The following NKAIN2 variants were observed in gnomAD, a reference collection of about 807,000 sequenced individuals.
NKAIN2 encodes sodium/potassium transporting ATPase interacting 2.
A neutral mutation model predicts 32.6 loss-of-function variants in NKAIN2; 14 were observed. The ratio of observed to expected loss-of-function variants is 0.43; its 90% confidence interval spans 0.28 to 0.67. The LOEUF (loss-of-function observed/expected upper bound fraction) is 0.67. Among genes scored for constraint, NKAIN2 ranks in the 30% least tolerant of loss-of-function variants. NKAIN2 has a pLI of 0.17. For missense variants in NKAIN2, 198 were observed against 258.3 expected (o/e 0.77, Z 1.60); for synonymous variants, 80 against 87.2 (o/e 0.92, Z 0.46).
chr6:124,134,124 TAA>T (rs35419422), intron 1 of NKAIN2, among the ~76,000 whole-genome samples: 1 of 145,886 alleles, frequency 6.9e-6, no homozygotes, highest in Non-Finnish European at 1.5e-5. Flanking sequence ...TAAAAGAAAT[TAA>T]AAAAAAAAAA....
At chr6:124,145,857 A>G (rs1562384346) in intron 1 of NKAIN2, among the ~76,000 whole-genome samples, 1 of 152,222 alleles carries the variant, frequency 6.6e-6, no homozygotes, top group East Asian at 1.9e-4. Flanking sequence ...AGTTAAGAAT[A>G]TGGTGGGAGT....
At chr6:124,721,778 A>G (rs1237299066) in intron 4 of NKAIN2, among the ~76,000 whole-genome samples, 1 of 152,152 alleles carries the variant, frequency 6.6e-6, no homozygotes, top group Non-Finnish European at 1.5e-5. Flanking sequence ...ATGTACTGTC[A>G]CCAATGGCCC....
chr6:124,514,156 C>G (rs924176656), intron 3 of NKAIN2, among the ~76,000 whole-genome samples: 1 of 152,172 alleles, frequency 6.6e-6, no homozygotes, highest in Non-Finnish European at 1.5e-5. Context: ...GATGATTCTA[C>G]TGGTCACTCA....
Position 124,480,429 on chromosome 6 carries a change from T to A in NKAIN2, c.273+125082T>A, listed in dbSNP as rs549883549. On this transcript the variant is annotated intron_variant, in intron 3 of 6. Transcript: ENST00000368417. Reference sequence around the variant, plus strand: ...GTATGTGGCAAGGAAATGACATGAGTGAGACGTTAAAGAGCAGATATCAAG... The same window carrying A: ...GTATGTGGCAAGGAAATGACATGAGAGAGACGTTAAAGAGCAGATATCAAG... 1.8e-4 allele frequency among the ~76,000 whole-genome samples: 27 copies of A among 152,198 alleles called. 1 individual carries two copies. Among genetic ancestry groups the A allele is most frequent in the Admixed American group, 9.8e-4 (15 of 15,272 alleles).
At chr6:124,036,993 G>A (rs1188333465) in intron 1 of NKAIN2, among the ~76,000 whole-genome samples, 3 of 152,022 alleles carry the variant, frequency 2.0e-5, no homozygotes, top group African/African-American at 7.2e-5. Context: ...CAGTATTCCC[G>A]AGAGAACACT....
At chr6:124,818,903 TC>T (rs1437164957) in intron 6 of NKAIN2, among the ~76,000 whole-genome samples, 2 of 152,150 alleles carry the variant, frequency 1.3e-5, no homozygotes, top group Non-Finnish European at 2.9e-5. Context: ...AATAATAGGT[TC>T]ACCCTAGTTA....
At chr6:124,321,615 T>C (rs1382382865) in intron 2 of NKAIN2, among the ~76,000 whole-genome samples, 1 of 152,200 alleles carries the variant, frequency 6.6e-6, no homozygotes, top group Non-Finnish European at 1.5e-5. Flanking sequence ...CTTTGGCAGC[T>C]GTTATTTATG....
At chr6:124,454,107 G>GC (rs1776228409) in intron 3 of NKAIN2, among the ~76,000 whole-genome samples, 1 of 30,272 alleles carries the variant, frequency 3.3e-5, no homozygotes, top group Non-Finnish European at 1.9e-4. Context: ...TTTTTTTTTT[G>GC]GGGGGGGGGG....
intron 1 of NKAIN2, among the ~76,000 whole-genome samples, chr6:124,087,496 A>T (rs540298869): frequency 6.6e-6 from 1 of 152,164 alleles, no homozygotes; most frequent in South Asian, 2.1e-4. Flanking sequence ...CACAGATGAC[A>T]TAATTGTCTG....
At chr6:124,042,149 A>T (rs1198477616) in intron 1 of NKAIN2, among the ~76,000 whole-genome samples, 1 of 152,096 alleles carries the variant, frequency 6.6e-6, no homozygotes, top group African/African-American at 2.4e-5. Context: ...ATTGTGTCTT[A>T]ATAATAGTGG....
At chr6:124,614,342 C>T (rs1360643500) in intron 3 of NKAIN2, among the ~76,000 whole-genome samples, 4 of 152,040 alleles carry the variant, frequency 2.6e-5, no homozygotes, top group African/African-American at 9.7e-5. Context: ...TGCAGTGAGG[C>T]GAGATGGTGC....
In NKAIN2 at chr6:124,078,558, G is replaced by A. The variant is rs117553362; in HGVS notation, c.55-204447G>A. On this transcript the variant is annotated intron_variant, in intron 1 of 6. Transcript: ENST00000368417. ...AGGGCAGAACAGAATTTGAATGCAG[G>A]CAGTGTAATACCACAGTCTATGAAC... 1.9e-3 allele frequency among the ~76,000 whole-genome samples: 283 copies of A among 152,240 alleles called. 1 individual carries two copies. Among genetic ancestry groups the A allele is most frequent in the East Asian group, 0.015 (78 of 5,180 alleles).
At chr6:124,591,575 AT>A (rs1017603037) in intron 3 of NKAIN2, among the ~76,000 whole-genome samples, 7 of 152,114 alleles carry the variant, frequency 4.6e-5, no homozygotes, top group African/African-American at 1.2e-4. Context: ...CAAAAAAATA[AT>A]TTTTTTGTAC....
At chr6:124,806,251 T>C (rs1780552092) in intron 5 of NKAIN2, among the ~76,000 whole-genome samples, 1 of 152,118 alleles carries the variant, frequency 6.6e-6, no homozygotes, top group East Asian at 1.9e-4. Flanking sequence ...AAGATCGGGT[T>C]ACACACAAAG....
At chr6:124,686,633 T>G (rs1773894433) in intron 4 of NKAIN2, among the ~76,000 whole-genome samples, 1 of 152,172 alleles carries the variant, frequency 6.6e-6, no homozygotes, top group African/African-American at 2.4e-5. Flanking sequence ...GATATTTGGG[T>G]AGGGATACAG....
At chr6:124,640,312 C>G (rs1038403852) in intron 3 of NKAIN2, among the ~76,000 whole-genome samples, 3 of 152,178 alleles carry the variant, frequency 2.0e-5, no homozygotes, top group Non-Finnish European at 4.4e-5. Context: ...TTCAGCATGT[C>G]TGTGCCTTCA....
At chr6:124,310,720 G>C (rs1796678970) in intron 2 of NKAIN2, among the ~76,000 whole-genome samples, 1 of 152,140 alleles carries the variant, frequency 6.6e-6, no homozygotes, top group Non-Finnish European at 1.5e-5. Flanking sequence ...GGTGATGTTA[G>C]TGAATAATTA....
At chr6:124,612,635 G>A (rs566211573) in intron 3 of NKAIN2, among the ~76,000 whole-genome samples, 14 of 152,224 alleles carry the variant, frequency 9.2e-5, no homozygotes, top group African/African-American at 3.1e-4. Flanking sequence ...AATCTCTGGA[G>A]CAGCACTTTC....
chr6:124,605,775 G>A (rs1246421120), intron 3 of NKAIN2, among the ~76,000 whole-genome samples: 1 of 151,970 alleles, frequency 6.6e-6, no homozygotes, highest in Non-Finnish European at 1.5e-5. Flanking sequence ...CTAAAAGGAG[G>A]ACAAAACTTT....
Sources: allele counts gnomAD v4.1 joint callset (sites outside exome capture counted in the v4.1 genomes callset), GRCh38; gene constraint gnomAD v4.1.1; transcripts MANE v1.5; gene names NCBI Gene and HGNC (gene_info 2026-07-23, HGNC 2026-07-21).